SLC36A2: variants seen among roughly 807,000 people sequenced by gnomAD.
SLC36A2 encodes solute carrier family 36 member 2, also known as proton-coupled amino acid transporter 2.
SLC36A2 carries 39 observed loss-of-function variants against 42.7 expected under a neutral mutation model. The ratio of observed to expected loss-of-function variants is 0.91; its 90% CI spans 0.71 to 1.19. The LOEUF is 1.19. Among genes scored for constraint, SLC36A2 ranks in the 50% most tolerant of loss-of-function variants. The pLI, the probability that SLC36A2 is intolerant of heterozygous loss-of-function variation, is 0.00. For synonymous variants in SLC36A2, 237 were observed against 240.8 expected (o/e 0.98, Z 0.15); for missense variants, 590 against 613.7 (o/e 0.96, Z 0.41).
chr5:151,316,809 T>G lies in SLC36A2; in HGVS notation c.*8A>C. 6.2e-7 allele frequency: 1 copy of G among 1,606,470 alleles called. No individual in the cohort carries two copies. Among genetic ancestry groups the G allele is most frequent in the Non-Finnish European group, 8.5e-7 (1 of 1,177,566 alleles). Reference sequence around the variant, plus strand: ...TCGGGTGCTGGTAGGCAAGGAGCAGTGCCAGGCTCACCGAACAAAAGTGGT... The same window carrying G: ...TCGGGTGCTGGTAGGCAAGGAGCAGGGCCAGGCTCACCGAACAAAAGTGGT... On this transcript the variant is annotated 3_prime_UTR_variant, in exon 10 of 10. Transcript: ENST00000335244.
chr5:151,324,888 T>C (rs1019589647), intron 8 of SLC36A2, among the ~76,000 whole-genome samples: 3 of 152,216 alleles, frequency 2.0e-5, no homozygotes, highest in African/African-American at 7.2e-5. Flanking sequence ...CTTTTCTATC[T>C]GGTTACTCTG....
chr5:151,333,143 C>T, intron 7 of SLC36A2, 81 bp downstream of exon 7: 1 of 1,308,520 alleles, frequency 7.6e-7, no homozygotes, highest in Non-Finnish European at 1.1e-6. Flanking sequence ...CAGCGGGACA[C>T]AGAAACCCAG....
At chr5:151,323,943 C>G (rs1755777873) in intron 8 of SLC36A2, among the ~76,000 whole-genome samples, 1 of 152,174 alleles carries the variant, frequency 6.6e-6, no homozygotes, top group African/African-American at 2.4e-5. Flanking sequence ...GGGACTGTGA[C>G]TGTCCGCTTG....
At chr5:151,346,183 G>C (rs1212024904) in intron 1 of SLC36A2, among the ~76,000 whole-genome samples, 2 of 152,080 alleles carry the variant, frequency 1.3e-5, no homozygotes, top group Non-Finnish European at 2.9e-5. Context: ...TTCCCTCAAG[G>C]CCTCTGACTG....
intron 7 of SLC36A2, among the ~76,000 whole-genome samples, chr5:151,326,812 C>CTTTT (rs5872202): frequency 0.57 from 80,241 of 141,932 alleles, 23,044 homozygotes; most frequent in East Asian, 0.77. Flanking sequence ...ATGAATTTAC[C>CTTTT]TTTTTTTTTT....
intron 4 of SLC36A2, 132 bp downstream of exon 4, chr5:151,342,756 A>G: frequency 1.4e-6 from 1 of 730,156 alleles, no homozygotes; most frequent in Non-Finnish European, 2.5e-6. Flanking sequence ...GTTGCCAATG[A>G]ACCCCTTCCA....
chr5:151,339,195 C>A, intron 4 of SLC36A2, 51 bp from the exon 5 acceptor site: 3 of 1,420,158 alleles, frequency 2.1e-6, no homozygotes, highest in Non-Finnish European at 3.0e-6. Context: ...AATAAGTCAA[C>A]TTGTCAGTTC....
At chr5:151,341,368 C>G (rs965007932) in intron 4 of SLC36A2, among the ~76,000 whole-genome samples, 1 of 152,036 alleles carries the variant, frequency 6.6e-6, no homozygotes, top group African/African-American at 2.4e-5. Context: ...GGGCTTTGAG[C>G]GAAGGGTGGT....
At chr5:151,329,155 G>C (rs1185409477) in intron 7 of SLC36A2, among the ~76,000 whole-genome samples, 3 of 152,200 alleles carry the variant, frequency 2.0e-5, no homozygotes, top group Admixed American at 6.5e-5. Flanking sequence ...CAAAGCAAAG[G>C]CTTTGAAAAC....
intron 7 of SLC36A2, among the ~76,000 whole-genome samples, chr5:151,330,650 C>T (rs1755970042): frequency 6.6e-6 from 1 of 152,128 alleles, no homozygotes; most frequent in Non-Finnish European, 1.5e-5. Flanking sequence ...GATATAATAG[C>T]CTATTTTTTC....
chr5:151,318,615 TATAA>T (rs994999128), intron 9 of SLC36A2, among the ~76,000 whole-genome samples: 24 of 146,636 alleles, frequency 1.6e-4, no homozygotes, highest in East Asian at 5.9e-4. Context: ...ATATAAATAA[TATAA>T]ATAAATAAAT....
chr5:151,344,559 G>A (rs113601427), intron 1 of SLC36A2, among the ~76,000 whole-genome samples: 1 of 152,206 alleles, frequency 6.6e-6, no homozygotes, highest in Non-Finnish European at 1.5e-5. Context: ...TCTAGTCAAG[G>A]CTCTGACAAA....
chr5:151,338,100 A>G (rs985750137), intron 5 of SLC36A2, among the ~76,000 whole-genome samples: 2 of 152,224 alleles, frequency 1.3e-5, no homozygotes, highest in East Asian at 1.9e-4. Flanking sequence ...AGATAATTCA[A>G]TGATGGAAAG....
Position 151,316,638 on chromosome 5 carries a change from G to A in SLC36A2, c.*179C>T. On this transcript the variant is annotated 3_prime_UTR_variant, in exon 10 of 10. Transcript: ENST00000335244. ...GCCTCTAATCCCAACTACTCGGGAG[G>A]CTGAGGCAGGAGAATCGCTTGAACC... 1 of 725,328 alleles carries A rather than the reference G, an allele frequency of 1.4e-6. No individual in the cohort carries two copies. Among genetic ancestry groups the A allele is most frequent in the East Asian group, 2.9e-5 (1 of 34,362 alleles). The allele number at this position is 725,328 out of a possible 1,614,324, so 44.9% of individuals were successfully genotyped here.
intron 7 of SLC36A2, among the ~76,000 whole-genome samples, chr5:151,328,049 G>A (rs1755899082): frequency 6.6e-6 from 1 of 152,212 alleles, no homozygotes; most frequent in Non-Finnish European, 1.5e-5. Context: ...CATCAGTTTA[G>A]AGGTGGAGAA....
chr5:151,330,439 T>C (rs1285526758), intron 7 of SLC36A2, among the ~76,000 whole-genome samples: 1 of 152,242 alleles, frequency 6.6e-6, no homozygotes, highest in Non-Finnish European at 1.5e-5. Context: ...TAGAATTCCA[T>C]ATTGTGCAAA....
At chr5:151,338,150 C>T (rs1245197891) in intron 5 of SLC36A2, among the ~76,000 whole-genome samples, 3 of 152,204 alleles carry the variant, frequency 2.0e-5, no homozygotes, top group African/African-American at 7.2e-5. Flanking sequence ...ATAATAGAAG[C>T]TAACTCTGAA....
At chr5:151,330,269 A>G (rs1755961957) in intron 7 of SLC36A2, among the ~76,000 whole-genome samples, 1 of 152,216 alleles carries the variant, frequency 6.6e-6, no homozygotes, top group Non-Finnish European at 1.5e-5. Flanking sequence ...AATACAGTAT[A>G]ACTGCTGATT....
At position 151,325,388 on chromosome 5, in the gene SLC36A2, A is replaced by G. The variant is rs1377843974; in HGVS notation, c.908T>C (p.Met303Thr). 2 of 1,614,220 alleles carry G rather than the reference A, an allele frequency of 1.2e-6. No individual in the cohort carries two copies. Among genetic ancestry groups the G allele is most frequent in the South Asian group, 2.2e-5 (2 of 91,082 alleles). ...RHFPAILSLG[M>T]SIVTSLYIGM... ...AATGTATAGGGAAGTGACGATGGAC[A>G]TTCCCAAAGACAGGATGGCTGGGAA... is the stretch of plus-strand genomic sequence containing the variant. The change falls in exon 8 of 10, where the codon ATG (methionine) becomes ACG (threonine). Residue 303 changes from methionine (M) to threonine (T), a missense_variant. Physicochemically the swap from Met to Thr is moderately conservative, Grantham distance 81 (BLOSUM62 -1). Coordinates refer to ENST00000335244, the MANE Select transcript of SLC36A2 (RefSeq NM_181776.3).
Sources: allele counts gnomAD v4.1 joint callset (sites outside exome capture counted in the v4.1 genomes callset), GRCh38; gene constraint gnomAD v4.1.1; transcripts MANE v1.5; gene names NCBI Gene and HGNC (gene_info 2026-07-23, HGNC 2026-07-21).